The following MRPS27 variants were observed in gnomAD, a reference collection of about 807,000 sequenced individuals.
MRPS27 encodes small ribosomal subunit protein mS27.
Under a neutral mutation model 48.9 loss-of-function variants are expected in MRPS27, and 43 were observed. The observed-to-expected ratio is 0.88, with a 90% confidence interval of 0.69 to 1.13. The LOEUF (loss-of-function observed/expected upper bound fraction) is 1.13, where lower values mean the gene tolerates loss of function less well. Ranked by LOEUF, MRPS27 falls within the 50% of genes most tolerant of loss-of-function variation. The pLI is 0.00. For missense variants in MRPS27, 467 were observed against 476.3 expected (o/e 0.98, Z 0.18); for synonymous variants, 188 against 171.9 (o/e 1.09, Z -0.73).
chr5:72,267,973 C>CT (rs1210275656), intron 4 of MRPS27, among the ~76,000 whole-genome samples: 1 of 152,080 alleles, frequency 6.6e-6, no homozygotes, highest in Non-Finnish European at 1.5e-5. Flanking sequence ...AAAGGTAATA[C>CT]TTAGAAATGA....
At chr5:72,244,317 C>A (rs1272424678) in intron 4 of MRPS27, among the ~76,000 whole-genome samples, 1 of 152,046 alleles carries the variant, frequency 6.6e-6, no homozygotes, top group Non-Finnish European at 1.5e-5. Flanking sequence ...AGATAGATAA[C>A]AGAGGGACTT....
At chr5:72,288,070 C>T (rs986277362) in intron 4 of MRPS27, among the ~76,000 whole-genome samples, 1 of 152,144 alleles carries the variant, frequency 6.6e-6, no homozygotes, top group African/African-American at 2.4e-5. Context: ...TGAGATCATT[C>T]TGGGAAAGCT....
chr5:72,226,798 T>C (rs1401546199), intron 8 of MRPS27, among the ~76,000 whole-genome samples: 1 of 152,166 alleles, frequency 6.6e-6, no homozygotes, highest in Non-Finnish European at 1.5e-5. Flanking sequence ...TGGACATGAA[T>C]GTTTCTCTGG....
At chr5:72,246,535 T>TA (rs1554057945) in intron 4 of MRPS27, among the ~76,000 whole-genome samples, 1 of 152,048 alleles carries the variant, frequency 6.6e-6, no homozygotes, top group Non-Finnish European at 1.5e-5. Flanking sequence ...AGGAATTCAA[T>TA]AAAAAAACAG....
chr5:72,275,981 C>CAAAGGAAA (rs536955977), intron 4 of MRPS27, among the ~76,000 whole-genome samples: 1 of 146,774 alleles, frequency 6.8e-6, no homozygotes, highest in South Asian at 2.2e-4. Context: ...GGGCATTTAA[C>CAAAGGAAA]AAAGGAAAAA....
intron 2 of MRPS27, among the ~76,000 whole-genome samples, chr5:72,313,159 C>T (rs1201228961): frequency 6.6e-6 from 1 of 152,130 alleles, no homozygotes; most frequent in Non-Finnish European, 1.5e-5. Context: ...TCACAGCCAA[C>T]TCTGCTTGTG....
chr5:72,319,014 G>C (rs1418760287), intron 1 of MRPS27, among the ~76,000 whole-genome samples: 1 of 152,198 alleles, frequency 6.6e-6, no homozygotes, highest in African/African-American at 2.4e-5. Context: ...CCAACTCTGA[G>C]GTTTCACATT....
intron 4 of MRPS27, among the ~76,000 whole-genome samples, chr5:72,294,269 T>TA (rs1002728844): frequency 2.6e-5 from 4 of 151,498 alleles, no homozygotes; most frequent in African/African-American, 7.3e-5. Flanking sequence ...CAGTAAGCTT[T>TA]AAAAAATGCA....
At chr5:72,234,219 C>T (rs762061509) in intron 5 of MRPS27, 22 bp from the exon 6 acceptor site, 37 of 1,447,158 alleles carry the variant, frequency 2.6e-5, no homozygotes, top group Non-Finnish European at 3.1e-5. Flanking sequence ...ATGAACATAA[C>T]AGGAAAAAAA....
chr5:72,297,469 T>C (rs1241517993), intron 3 of MRPS27, among the ~76,000 whole-genome samples, 163 bp downstream of exon 3: 1 of 152,244 alleles, frequency 6.6e-6, no homozygotes, highest in Non-Finnish European at 1.5e-5. Context: ...AGAAATTTGC[T>C]ATTACAGTAT....
chr5:72,275,994 GA>G (rs1196254321), intron 4 of MRPS27, among the ~76,000 whole-genome samples: 28 of 149,984 alleles, frequency 1.9e-4, no homozygotes, highest in Non-Finnish European at 1.0e-4. Context: ...AGGAAAAAAG[GA>G]AAAAAGGAGA....
At chr5:72,293,475 T>C (rs1749887419) in intron 4 of MRPS27, among the ~76,000 whole-genome samples, 1 of 152,182 alleles carries the variant, frequency 6.6e-6, no homozygotes, top group Non-Finnish European at 1.5e-5. Context: ...ATTTGATCTA[T>C]ATGGAAATAG....
chr5:72,244,660 C>T (rs1027980141), intron 4 of MRPS27, among the ~76,000 whole-genome samples: 9 of 151,358 alleles, frequency 5.9e-5, no homozygotes, highest in Non-Finnish European at 1.3e-4. Flanking sequence ...CACTGATCTA[C>T]TAATTTCCTT....
intron 4 of MRPS27, among the ~76,000 whole-genome samples, chr5:72,270,747 T>C (rs114861656): frequency 6.6e-6 from 1 of 152,166 alleles, no homozygotes; most frequent in Non-Finnish European, 1.5e-5. Context: ...ATAGTGTTAC[T>C]GAAAACTTAA....
chr5:72,261,515 G>GA (rs547601548), intron 4 of MRPS27, among the ~76,000 whole-genome samples: 15,611 of 144,112 alleles, frequency 0.11, 1,814 homozygotes, highest in African/African-American at 0.29. Context: ...AGACTCACAG[G>GA]AAAAAAAAAA....
intron 7 of MRPS27, 103 bp from the exon 8 acceptor site, chr5:72,228,471 A>G (rs1747957841): frequency 8.1e-6 from 6 of 737,186 alleles, no homozygotes; most frequent in South Asian, 5.9e-5. Flanking sequence ...TATAGCATTA[A>G]GTAAACAAAG....
chr5:72,304,551 C>CA (rs1290056799), intron 2 of MRPS27, among the ~76,000 whole-genome samples: 3 of 152,116 alleles, frequency 2.0e-5, no homozygotes, highest in African/African-American at 7.2e-5. Flanking sequence ...AGATTACAGG[C>CA]AAAAAGCAGT....
At chr5:72,308,559 G>A (rs550862702) in intron 2 of MRPS27, among the ~76,000 whole-genome samples, 1 of 152,324 alleles carries the variant, frequency 6.6e-6, no homozygotes, top group African/African-American at 2.4e-5. Flanking sequence ...TCCACCCGCG[G>A]GGCGGCGGAT....
At chr5:72,303,939 C>G (rs1457433742) in intron 2 of MRPS27, among the ~76,000 whole-genome samples, 2 of 116,622 alleles carry the variant, frequency 1.7e-5, no homozygotes, top group East Asian at 5.0e-4. Context: ...TTTGGACAAA[C>G]AAAAACAGAA....
Sources: allele counts gnomAD v4.1 joint callset (sites outside exome capture counted in the v4.1 genomes callset), GRCh38; gene constraint gnomAD v4.1.1; transcripts MANE v1.5; gene names NCBI Gene and HGNC (gene_info 2026-07-23, HGNC 2026-07-21).